The following DOK5 variants were observed in gnomAD, a reference collection of about 807,000 sequenced individuals.
DOK5 encodes docking protein 5.
A neutral mutation model predicts 43.3 loss-of-function variants in DOK5; 27 were observed. The observed-to-expected ratio is 0.62, with a 90% CI of 0.46 to 0.86. DOK5 has a LOEUF of 0.86. Among genes scored for constraint, DOK5 ranks in the 40% least tolerant of loss-of-function variants. The probability of loss-of-function intolerance (pLI) is 0.00; values close to 1 mark genes in which losing one functional copy is unlikely to be tolerated. For synonymous variants in DOK5, 146 were observed against 140.1 expected (o/e 1.04, Z -0.30); for missense variants, 373 against 392.9 (o/e 0.95, Z 0.43).
chr20:54,563,288 C>T (rs183193165), intron 2 of DOK5, among the ~76,000 whole-genome samples: 31 of 152,254 alleles, frequency 2.0e-4, no homozygotes, highest in African/African-American at 7.5e-4. Context: ...ATTCACCTCC[C>T]GAGGCTTAAT....
At chr20:54,571,283 G>A (rs1373553235) in intron 2 of DOK5, among the ~76,000 whole-genome samples, 2 of 151,846 alleles carry the variant, frequency 1.3e-5, no homozygotes, top group African/African-American at 2.4e-5. Flanking sequence ...TGTCTGCCTC[G>A]CTCTCAGGAC....
At chr20:54,602,426 A>G (rs1986325368) in intron 5 of DOK5, among the ~76,000 whole-genome samples, 1 of 152,196 alleles carries the variant, frequency 6.6e-6, no homozygotes, top group African/African-American at 2.4e-5. Flanking sequence ...CTGTGTTTCC[A>G]AAAATGTGGT....
At chr20:54,555,284 G>T (rs1984670938) in intron 2 of DOK5, 1 of 430,630 alleles carries the variant, frequency 2.3e-6, no homozygotes. Context: ...TCTGCTATGG[G>T]ACTTATCATG....
intron 5 of DOK5, among the ~76,000 whole-genome samples, chr20:54,606,322 T>C (rs1044484661): frequency 2.0e-5 from 3 of 152,196 alleles, no homozygotes; most frequent in African/African-American, 7.2e-5. Flanking sequence ...TTTCCATTAA[T>C]GTACGGAGTG....
intron 1 of DOK5, among the ~76,000 whole-genome samples, chr20:54,518,259 C>A (rs921293394): frequency 4.6e-5 from 7 of 152,004 alleles, no homozygotes; most frequent in Admixed American, 3.3e-4. Flanking sequence ...TATCTCCTAA[C>A]GTTATCCCTC....
intron 1 of DOK5, among the ~76,000 whole-genome samples, chr20:54,537,718 AG>A (rs760796175): frequency 6.6e-6 from 1 of 152,016 alleles, no homozygotes; most frequent in Non-Finnish European, 1.5e-5. Flanking sequence ...TCATGTCAAC[AG>A]GGCCCAGAAG....
intron 1 of DOK5, among the ~76,000 whole-genome samples, chr20:54,516,558 C>T (rs1983204080): frequency 6.6e-6 from 1 of 152,076 alleles, no homozygotes; most frequent in South Asian, 2.1e-4. Flanking sequence ...CTGTGTGTTC[C>T]CCTTATAACA....
intron 7 of DOK5, among the ~76,000 whole-genome samples, chr20:54,647,521 AAAC>A (rs1310539607): frequency 8.0e-5 from 12 of 150,888 alleles, no homozygotes; most frequent in African/African-American, 2.0e-4. Context: ...AAAAAAAAAA[AAAC>A]AAAAAAACTA....
At chr20:54,569,432 G>A (rs973748365) in intron 2 of DOK5, among the ~76,000 whole-genome samples, 1 of 152,106 alleles carries the variant, frequency 6.6e-6, no homozygotes, top group African/African-American at 2.4e-5. Context: ...ATCTGTTTAA[G>A]CATACCCAAA....
chr20:54,512,303 T>A (rs1247266929), intron 1 of DOK5, among the ~76,000 whole-genome samples: 1 of 152,232 alleles, frequency 6.6e-6, no homozygotes, highest in African/African-American at 2.4e-5. Context: ...CATAATGCAG[T>A]CTTTTAGATT....
intron 6 of DOK5, among the ~76,000 whole-genome samples, chr20:54,639,474 A>G (rs868612384): frequency 6.6e-6 from 1 of 151,966 alleles, no homozygotes; most frequent in African/African-American, 2.4e-5. Context: ...TGGCCAACCC[A>G]CCCCCTGAAT....
chr20:54,479,011 A>C (rs1172663832), intron 1 of DOK5, among the ~76,000 whole-genome samples: 1 of 152,144 alleles, frequency 6.6e-6, no homozygotes, highest in Non-Finnish European at 1.5e-5. Flanking sequence ...ATTTTTATAC[A>C]TAGGAATAAA....
chr20:54,608,587 C>T (rs1226292770), intron 5 of DOK5, among the ~76,000 whole-genome samples: 1 of 152,058 alleles, frequency 6.6e-6, no homozygotes, highest in African/African-American at 2.4e-5. Context: ...ATTAAAATCA[C>T]ATGATCAACC....
intron 1 of DOK5, among the ~76,000 whole-genome samples, chr20:54,545,081 C>G (rs899380866): frequency 3.3e-5 from 5 of 152,224 alleles, no homozygotes; most frequent in African/African-American, 7.2e-5. Context: ...CCAACGTTAG[C>G]TTGGCCCAAG....
At chr20:54,568,750 G>A (rs996293364) in intron 2 of DOK5, among the ~76,000 whole-genome samples, 6 of 151,982 alleles carry the variant, frequency 3.9e-5, no homozygotes, top group Non-Finnish European at 5.9e-5. Flanking sequence ...CTAACATGAT[G>A]AAACCCCGTC....
chr20:54,614,515 G>A (rs2146797864), intron 6 of DOK5, among the ~76,000 whole-genome samples: 1 of 152,310 alleles, frequency 6.6e-6, no homozygotes, highest in East Asian at 1.9e-4. Flanking sequence ...CCATCAATTA[G>A]CATAAATTGT....
chr20:54,580,934 T>G (rs931457886), intron 2 of DOK5, among the ~76,000 whole-genome samples: 9 of 152,114 alleles, frequency 5.9e-5, no homozygotes, highest in Non-Finnish European at 1.3e-4. Flanking sequence ...TGGTCTCATA[T>G]CCAAGAAATC....
chr20:54,647,509 T>TAAAA (rs747478559), intron 7 of DOK5, among the ~76,000 whole-genome samples: 12 of 127,722 alleles, frequency 9.4e-5, no homozygotes, highest in Non-Finnish European at 1.2e-4. Context: ...CTGTCTCAGT[T>TAAAA]AAAAAAAAAA....
At chr20:54,551,902 A>C (rs1045629274) in intron 1 of DOK5, among the ~76,000 whole-genome samples, 2 of 152,180 alleles carry the variant, frequency 1.3e-5, no homozygotes, top group Non-Finnish European at 2.9e-5. Context: ...TTCTCGGCTT[A>C]CTGCAGCCTC....
Sources: allele counts gnomAD v4.1 joint callset (sites outside exome capture counted in the v4.1 genomes callset), GRCh38; gene constraint gnomAD v4.1.1; transcripts MANE v1.5; gene names NCBI Gene and HGNC (gene_info 2026-07-23, HGNC 2026-07-21).